IPCEF1: variants seen among roughly 807,000 people sequenced by gnomAD.
IPCEF1 encodes interaction protein for cytohesin exchange factors 1.
IPCEF1 carries 31 observed loss-of-function variants against 50.9 expected under a neutral mutation model. That is an observed-to-expected ratio of 0.61 (90% CI 0.46 to 0.82). The LOEUF is 0.82. IPCEF1 is among the 40% of genes least tolerant of loss of function. The pLI is 0.00. For synonymous variants in IPCEF1, 181 were observed against 192.0 expected, an observed-to-expected ratio of 0.94 and a Z score of 0.47; for missense variants, 458 against 514.0, an observed-to-expected ratio of 0.89 and a Z score of 1.05.
chr6:154,266,304 G>A (rs1432546411), intron 2 of IPCEF1, among the ~76,000 whole-genome samples: 3 of 152,010 alleles, frequency 2.0e-5, no homozygotes, highest in African/African-American at 7.2e-5. Flanking sequence ...AGGATTGCTT[G>A]AGCCCAGGAG....
In IPCEF1 at chr6:154,199,724, T is replaced by C. The variant is rs150555807; in HGVS notation, c.854A>G (p.Asn285Ser). 1.1e-5 allele frequency: 18 copies of C among 1,614,182 alleles called. No individual in the cohort carries two copies. In the East Asian group the frequency reaches 2.9e-4, roughly 26 times the overall value. ...SSDDTSSLSS[N>S]HDHLTVPDKP... ...ATCTGGGACAGTAAGATGGTCATGATTGCTACTCAATGAAGAAGTATCATC... is the reference window on the plus strand; with the variant it reads ...ATCTGGGACAGTAAGATGGTCATGACTGCTACTCAATGAAGAAGTATCATC... The change falls in exon 10 of 12, where the codon AAT (asparagine) becomes AGT (serine). Residue 285 changes from asparagine (N) to serine (S), a missense_variant. Physicochemically the swap from Asn to Ser is conservative, Grantham distance 46. Transcript: ENST00000367220.
chr6:154,305,936 G>A (rs914072825), intron 1 of IPCEF1, among the ~76,000 whole-genome samples: 2 of 152,098 alleles, frequency 1.3e-5, no homozygotes, highest in South Asian at 2.1e-4. Context: ...CCGCATTGTC[G>A]GCTTCTCTAC....
intron 10 of IPCEF1, among the ~76,000 whole-genome samples, chr6:154,188,665 G>T (rs1801595750): frequency 6.6e-6 from 1 of 152,270 alleles, no homozygotes; most frequent in South Asian, 2.1e-4. Flanking sequence ...TATGAGCCAG[G>T]GTAGAAAAAG....
rs1230682030 is a variant in IPCEF1 at position 154,247,306 on chromosome 6, A to G, written c.76+143T>C. Reference sequence around the variant, plus strand: ...GTCATTTCTTAAAATCGATTCAACAATAACCAAAAATTAATCTGCCGTCCA... The same window carrying G: ...GTCATTTCTTAAAATCGATTCAACAGTAACCAAAAATTAATCTGCCGTCCA... On this transcript the variant is annotated intron_variant, in intron 4 of 11. Transcript: ENST00000367220. 1.2e-5 allele frequency: 8 copies of G among 652,924 alleles called. No individual in the cohort carries two copies. In the Admixed American group the frequency reaches 1.8e-4, roughly 15 times the overall value. 40.4% of individuals were successfully genotyped at this position (652,924 alleles called of 1,614,324 possible). A position where few individuals can be genotyped will look rare whatever the true frequency, so the allele number is the denominator to read the frequency against.
chr6:154,328,398 A>G (rs577052188), intron 1 of IPCEF1, among the ~76,000 whole-genome samples: 14 of 152,078 alleles, frequency 9.2e-5, no homozygotes, highest in Non-Finnish European at 2.1e-4. Flanking sequence ...AATATTCCCC[A>G]CCTTGGAGAT....
intron 1 of IPCEF1, among the ~76,000 whole-genome samples, chr6:154,341,793 T>A (rs1000282580): frequency 1.3e-5 from 2 of 152,208 alleles, no homozygotes; most frequent in African/African-American, 4.8e-5. Context: ...ATGTGTTTTA[T>A]CATTACCATC....
chr6:154,190,818 A>C (rs997128086), intron 10 of IPCEF1, among the ~76,000 whole-genome samples: 6 of 152,220 alleles, frequency 3.9e-5, no homozygotes, highest in African/African-American at 1.4e-4. Flanking sequence ...ATGGAATATT[A>C]TTCAATGATT....
At chr6:154,325,621 G>A (rs1397851106) in intron 1 of IPCEF1, among the ~76,000 whole-genome samples, 1 of 152,144 alleles carries the variant, frequency 6.6e-6, no homozygotes, top group East Asian at 1.9e-4. Flanking sequence ...TAGAGGTGGG[G>A]GTGACCAACA....
chr6:154,231,801 A>G (rs1457764382), intron 5 of IPCEF1, among the ~76,000 whole-genome samples: 5 of 152,226 alleles, frequency 3.3e-5, no homozygotes, highest in Non-Finnish European at 7.3e-5. Flanking sequence ...TACAGGTTTG[A>G]CTTTGGAATC....
At chr6:154,261,553 C>T (rs2882528) in intron 3 of IPCEF1, among the ~76,000 whole-genome samples, 145,384 of 152,318 alleles carry the variant, frequency 0.95, 69,413 homozygotes, top group East Asian at 1. Context: ...CTTGGTGGAT[C>T]GATACTTTTG....
intron 2 of IPCEF1, among the ~76,000 whole-genome samples, chr6:154,286,753 T>C (rs1261671376): frequency 9.2e-5 from 14 of 152,200 alleles, no homozygotes; most frequent in Non-Finnish European, 7.3e-5. Context: ...AGTCTGAACT[T>C]TGCCTTCATG....
chr6:154,188,935 C>A (rs1443776282), intron 10 of IPCEF1, among the ~76,000 whole-genome samples: 1 of 149,574 alleles, frequency 6.7e-6, no homozygotes, highest in South Asian at 2.1e-4. Flanking sequence ...TTCTTGATAC[C>A]AAAAAAAAGC....
In IPCEF1 at chr6:154,155,142, A is replaced by C. The variant is rs1228768989; in HGVS notation, c.*4686T>G. 1 of 152,326 alleles carries C rather than the reference A, an allele frequency of 6.6e-6. No individual in the cohort carries two copies. The highest frequency in any genetic ancestry group is 1.9e-4 in the East Asian group (1 of 5,186). 9.4% of individuals were successfully genotyped at this position (152,326 alleles called of 1,614,324 possible). On this transcript the variant is annotated 3_prime_UTR_variant, in exon 12 of 12. Coordinates refer to ENST00000367220, the MANE Select transcript of IPCEF1 (RefSeq NM_001130700.2). The stretch of plus-strand genomic sequence containing the variant: ...AGGGAATTGCTTCCTGCCCCACGAC[A>C]CAGAGAAACGTGTGTCTGCTCAATG...
rs1344616123 is a variant in IPCEF1 at position 154,159,012 on chromosome 6, A to T, written c.*816T>A. ...CTGGATATAAATTCACACTATGTAT[A>T]GGGATCACAGCCAAGGACAAGAGCA... is the stretch of plus-strand genomic sequence containing the variant. On this transcript the variant is annotated 3_prime_UTR_variant, in exon 12 of 12. Transcript: ENST00000367220. The T allele has an allele frequency of 6.6e-6, 1 of 152,242 alleles. No individual in the cohort carries two copies. Among genetic ancestry groups the T allele is most frequent in the Admixed American group, 6.5e-5 (1 of 15,280 alleles). The allele number at this position is 152,242 out of a possible 1,614,324, so 9.4% of individuals were successfully genotyped here.
chr6:154,320,202 C>T (rs17085295), intron 1 of IPCEF1, among the ~76,000 whole-genome samples: 3 of 152,038 alleles, frequency 2.0e-5, no homozygotes, highest in African/African-American at 7.3e-5. Flanking sequence ...AAATCCTAGA[C>T]GCTAACCATG....
At chr6:154,255,963 CTTT>C (rs1167542765) in intron 3 of IPCEF1, among the ~76,000 whole-genome samples, 1 of 152,086 alleles carries the variant, frequency 6.6e-6, no homozygotes, top group African/African-American at 2.4e-5. Context: ...GAGCTTTTAA[CTTT>C]TTATTTAATT....
At chr6:154,344,750 C>G (rs1783992689) in intron 1 of IPCEF1, among the ~76,000 whole-genome samples, 1 of 152,172 alleles carries the variant, frequency 6.6e-6, no homozygotes, top group Non-Finnish European at 1.5e-5. Flanking sequence ...CCCTTTTTTT[C>G]TCAACAGAAC....
rs528994441 is a variant in IPCEF1 at position 154,292,577 on chromosome 6, G to A, written c.-61-2821C>T. Reference sequence around the variant, plus strand: ...GAATTACCGTAAAAATCACCCTAGAGTAAGAAACTCTATTTTCAGGTCAAA... The same window carrying A: ...GAATTACCGTAAAAATCACCCTAGAATAAGAAACTCTATTTTCAGGTCAAA... On this transcript the variant is annotated intron_variant, in intron 1 of 11. Transcript: ENST00000367220. Among the ~76,000 whole-genome samples the A allele has an allele frequency of 2.0e-5, 3 of 152,122 alleles. No homozygotes were observed. The South Asian group carries it at 6.2e-4, about 32-fold the overall frequency.
rs150104939 is a variant in IPCEF1 at position 154,257,834 on chromosome 6, T to C, written c.36+8078A>G. ...CCCACCGCAGCCTTCCAAGTAGCAA[T>C]TGGGACTATAGGCACACACCAGGAC... On this transcript the variant is annotated intron_variant, in intron 3 of 11. Transcript: ENST00000367220. Among the ~76,000 whole-genome samples, 519 of 152,098 alleles carry C rather than the reference T, an allele frequency of 3.4e-3. 6 individuals are homozygous for C. The highest frequency in any genetic ancestry group is 0.012 in the African/African-American group (495 of 41,476).
Sources: allele counts gnomAD v4.1 joint callset (sites outside exome capture counted in the v4.1 genomes callset), GRCh38; gene constraint gnomAD v4.1.1; transcripts MANE v1.5; gene names NCBI Gene and HGNC (gene_info 2026-07-23, HGNC 2026-07-21).